Variants in CTSS observed in about 807,000 individuals in gnomAD.
CTSS encodes the protein cathepsin S.
Under a neutral mutation model 39.9 loss-of-function variants are expected in CTSS, and 15 were observed. That is an observed-to-expected ratio of 0.38 (90% CI 0.25 to 0.58). CTSS has a LOEUF of 0.58. Among genes scored for constraint, CTSS ranks in the 20% least tolerant of loss-of-function variants. The pLI is 0.70. For synonymous variants in CTSS, 126 were observed against 138.2 expected (o/e 0.91, Z 0.62); for missense variants, 250 against 398.2 (o/e 0.63, Z 3.17).
intron 4 of CTSS, among the ~76,000 whole-genome samples, 157 bp from the exon 5 acceptor site, chr1:150,752,165 A>G (rs1653021436): frequency 6.6e-6 from 1 of 152,240 alleles, no homozygotes; most frequent in Non-Finnish European, 1.5e-5. Context: ...AACAATGGGA[A>G]TGAAGACTAA....
chr1:150,757,507 G>A (rs10888391), intron 3 of CTSS, among the ~76,000 whole-genome samples: 53,484 of 151,758 alleles, frequency 0.35, 9,774 homozygotes, highest in South Asian at 0.54. Flanking sequence ...AAGCAGATGG[G>A]TCATACTAAA....
intron 2 of CTSS, among the ~76,000 whole-genome samples, chr1:150,764,359 T>A (rs1036717239): frequency 2.0e-5 from 3 of 152,124 alleles, no homozygotes; most frequent in Admixed American, 6.5e-5. Flanking sequence ...TGCCTCAGCC[T>A]CCCGAGTAGC....
intron 2 of CTSS, among the ~76,000 whole-genome samples, chr1:150,760,401 C>T (rs1186242064): frequency 6.6e-6 from 1 of 152,192 alleles, no homozygotes; most frequent in Non-Finnish European, 1.5e-5. Context: ...TAACACCATA[C>T]TCAATTGGGT....
intron 3 of CTSS, among the ~76,000 whole-genome samples, chr1:150,755,831 T>C (rs1015890556): frequency 6.6e-6 from 1 of 151,764 alleles, no homozygotes; most frequent in African/African-American, 2.4e-5. Flanking sequence ...AGTGAGTGAG[T>C]GGAGAGTGAA....
chr1:150,762,383 T>C (rs966764423), intron 2 of CTSS, among the ~76,000 whole-genome samples: 1 of 152,112 alleles, frequency 6.6e-6, no homozygotes, highest in African/African-American at 2.4e-5. Context: ...GTTTTTTGAA[T>C]ATGACCCCTA....
At chr1:150,734,790 G>A (rs1026199331) in intron 7 of CTSS, among the ~76,000 whole-genome samples, 5 of 152,096 alleles carry the variant, frequency 3.3e-5, no homozygotes, top group African/African-American at 1.2e-4. Flanking sequence ...TTATATTAAT[G>A]AAAAAGTCAC....
intron 3 of CTSS, among the ~76,000 whole-genome samples, chr1:150,756,708 C>CTTTTTTTTTTTTTTTTTTTTTTT (rs72242218): frequency 3.8e-5 from 5 of 131,182 alleles, no homozygotes; most frequent in Non-Finnish European, 4.8e-5. Flanking sequence ...TTCTTTCTTT[C>CTTTTTTTTTTTTTTTTTTTTTTT]TTTTTTTTTT....
At chr1:150,765,579 C>T (rs1355620990) in intron 1 of CTSS, 119 bp downstream of exon 1, 1 of 152,076 alleles carries the variant, frequency 6.6e-6, no homozygotes, top group Non-Finnish European at 1.5e-5. Context: ...GCAAATTGAA[C>T]GACACGATTT....
At chr1:150,754,865 T>C (rs1653084990) in intron 4 of CTSS, 136 bp downstream of exon 4, 6 of 901,032 alleles carry the variant, frequency 6.7e-6, no homozygotes, top group African/African-American at 1.7e-5. Flanking sequence ...TATAATTTAG[T>C]TGGGAAGACA....
At chr1:150,738,028 A>T (rs1029322439) in intron 7 of CTSS, among the ~76,000 whole-genome samples, 5 of 152,204 alleles carry the variant, frequency 3.3e-5, no homozygotes, top group African/African-American at 1.2e-4. Flanking sequence ...AGATAATGTC[A>T]TGCTTTACAG....
chr1:150,731,603 G>A lies in CTSS; in HGVS notation c.*1443C>T, dbSNP rs1342150034. The stretch of plus-strand genomic sequence containing the variant: ...TATTAATGACATTATCCCACACATT[G>A]TTCATGTCATAGACATGAACTTAAA... On this transcript the variant is annotated 3_prime_UTR_variant, in exon 8 of 8. Coordinates refer to ENST00000368985, the MANE Select transcript of CTSS (RefSeq NM_004079.5). 1.3e-5 allele frequency: 2 copies of A among 152,182 alleles called. No homozygotes were observed. 9.4% of individuals were successfully genotyped at this position (152,182 alleles called of 1,614,324 possible). A position where few individuals can be genotyped will look rare whatever the true frequency, so the allele number is the denominator to read the frequency against.
At chr1:150,758,101 G>A (rs1653172737) in intron 2 of CTSS, 121 bp from the exon 3 acceptor site, 1 of 846,388 alleles carries the variant, frequency 1.2e-6, no homozygotes, top group Non-Finnish European at 1.8e-6. Context: ...CCAAGCTGGA[G>A]TCCAATGGCA....
At chr1:150,749,118 T>G (rs1011556572) in intron 6 of CTSS, among the ~76,000 whole-genome samples, 6 of 152,158 alleles carry the variant, frequency 3.9e-5, no homozygotes, top group African/African-American at 1.4e-4. Flanking sequence ...GATAACCCTA[T>G]GATAGCTTCT....
chr1:150,762,075 C>A (rs1162783168), intron 2 of CTSS, among the ~76,000 whole-genome samples: 1 of 152,142 alleles, frequency 6.6e-6, no homozygotes, highest in African/African-American at 2.4e-5. Flanking sequence ...GGCATAGAAA[C>A]AGACACATTT....
At chr1:150,746,268 G>T (rs1337746967) in intron 7 of CTSS, among the ~76,000 whole-genome samples, 17 of 152,080 alleles carry the variant, frequency 1.1e-4, no homozygotes, top group Admixed American at 1.1e-3. Context: ...ACTTTGTCAT[G>T]GTAGCCATAG....
chr1:150,744,498 ATAATATAT>A (rs1652845449), intron 7 of CTSS, among the ~76,000 whole-genome samples: 1 of 70,404 alleles, frequency 1.4e-5, no homozygotes, highest in Non-Finnish European at 2.6e-5. Flanking sequence ...TTATGTATAC[ATAATATAT>A]TATATATTAT....
intron 3 of CTSS, among the ~76,000 whole-genome samples, chr1:150,755,356 G>A (rs1653100578): frequency 6.6e-6 from 1 of 152,168 alleles, no homozygotes; most frequent in South Asian, 2.1e-4. Context: ...CTGTACTGAA[G>A]GTTGTAGGCA....
At chr1:150,749,871 T>C (rs2101919019) in intron 6 of CTSS, 135 bp downstream of exon 6, 2 of 645,296 alleles carry the variant, frequency 3.1e-6, no homozygotes, top group South Asian at 4.8e-5. Context: ...CTCAGGCTGG[T>C]GTCAAACTCC....
intron 7 of CTSS, among the ~76,000 whole-genome samples, chr1:150,738,309 A>G (rs1442791254): frequency 6.6e-6 from 1 of 152,154 alleles, no homozygotes. Context: ...TGTGCATTGC[A>G]AATTTTGCAT....
Sources: allele counts gnomAD v4.1 joint callset (sites outside exome capture counted in the v4.1 genomes callset), GRCh38; gene constraint gnomAD v4.1.1; transcripts MANE v1.5; gene names NCBI Gene and HGNC (gene_info 2026-07-23, HGNC 2026-07-21).